Variants in IGFN1 observed in about 807,000 individuals in gnomAD.
IGFN1 encodes the protein immunoglobulin like and fibronectin type III domain containing 1.
In IGFN1, 253 loss-of-function variants were observed where a neutral mutation model predicts 289.5. The observed-to-expected ratio is 0.87, with a 90% CI of 0.79 to 0.97. IGFN1 has a LOEUF of 0.97. Among genes scored for constraint, IGFN1 ranks in the 50% least tolerant of loss-of-function variants. The pLI is 0.00. For synonymous variants in IGFN1, 1,706 were observed against 1,788.5 expected, an observed-to-expected ratio of 0.95 and a Z score of 1.16; for missense variants, 4,470 against 4,686.1, an observed-to-expected ratio of 0.95 and a Z score of 1.35.
In IGFN1 at chr1:201,216,468, C is replaced by A; in HGVS notation, c.9310C>A (p.Pro3104Thr). The A allele has an allele frequency of 6.3e-7, 1 of 1,575,222 alleles. No homozygotes were observed. Among genetic ancestry groups the A allele is most frequent in the Non-Finnish European group, 8.6e-7 (1 of 1,161,690 alleles). Residue 3104 changes from proline to threonine, a missense_variant, in exon 16 of 24, where the codon CCA (proline) becomes ACA (threonine). Coordinates refer to ENST00000335211, the MANE Select transcript of IGFN1 (RefSeq NM_001164586.2). ...TGGGTCCCCAGACAAGCCTGATCCCCCACAAGGCCCCATGGAGGTTCAGGA... is the reference window on the plus strand; with the variant it reads ...TGGGTCCCCAGACAAGCCTGATCCCACACAAGGCCCCATGGAGGTTCAGGA... ...TLQVIDKPDPPQGPMEVQDCH... is the reference protein window; with the variant it reads ...TLQVIDKPDPTQGPMEVQDCH...
chr1:201,207,613 A>T lies in IGFN1; in HGVS notation c.2720A>T (p.Asp907Val). ...GAQGSGGTLG[D>V]KKGLRGPGSI... ...CAGGGATCTGGGGGGACACTAGGAG[A>T]TAAGAAAGGATTAAGAGGTCCTGGG... The change falls in exon 12 of 24, where the codon GAT (aspartate) becomes GTT (valine). Residue 907 changes from aspartate to valine, a missense_variant. By Grantham distance (152) the Asp-to-Val change is radical (BLOSUM62 -3). Transcript: ENST00000335211. 1 of 1,536,978 alleles carries T rather than the reference A, an allele frequency of 6.5e-7. No individual in the cohort carries two copies. The highest frequency in any genetic ancestry group is 8.7e-7 in the Non-Finnish European group (1 of 1,146,848).
chr1:201,212,973 A>G lies in IGFN1; in HGVS notation c.8080A>G (p.Ser2694Gly). The change falls in exon 12 of 24, where the codon AGC (serine) becomes GGC (glycine). Residue 2694 changes from serine to glycine, a missense_variant. Physicochemically the swap from Ser to Gly is moderately conservative, Grantham distance 56. Around this residue, in one of 8 missense-constraint regions of IGFN1, gnomAD observed 2,218 missense variants for 2,114.1 expected, o/e 1.05. Transcript: ENST00000335211. ...GGCRSPWSLDSKGSSPGRGSS... is the reference protein window; with the variant it reads ...GGCRSPWSLDGKGSSPGRGSS... ...ATGCCGAAGCCCATGGTCCCTGGAT[A>G]GCAAAGGTTCAAGTCCTGGAAGGGG... is the stretch of plus-strand genomic sequence containing the variant. 1 of 1,551,538 alleles carries G rather than the reference A, an allele frequency of 6.4e-7. No homozygotes were observed. Among genetic ancestry groups the G allele is most frequent in the Non-Finnish European group, 8.7e-7 (1 of 1,146,968 alleles).
chr1:201,213,430 T>C lies in IGFN1; in HGVS notation c.8537T>C (p.Met2846Thr). Residue 2846 changes from methionine to threonine, a missense_variant, in exon 12 of 24, where the codon ATG (methionine) becomes ACG (threonine). Met to Thr is a moderately conservative substitution (Grantham distance 81). This residue lies in a region of IGFN1 where 2,218 missense variants were observed against 2,114.1 expected (regional missense o/e 1.05). Transcript: ENST00000335211. The stretch of plus-strand genomic sequence containing the variant: ...GCTGGAAGCATGGGGTGGCAGCCTA[T>C]GGGAGAGAACTGGGGGTGCCTGGAG... ...DEAGSMGWQP[M>T]GENWGCLEEM... 1 of 1,613,860 alleles carries C rather than the reference T, an allele frequency of 6.2e-7. No individual in the cohort carries two copies. Among genetic ancestry groups the C allele is most frequent in the Non-Finnish European group, 8.5e-7 (1 of 1,179,898 alleles).
At position 201,208,720 on chromosome 1, in the gene IGFN1, G is replaced by C; in HGVS notation, c.3827G>C (p.Ser1276Thr). ...CCAGGTTGTAGGAAGGGTATTGGGA[G>C]TTCTGGGGAAATGGGGTCAGTGGAT... ...DGPGCRKGIG[S>T]SGEMGSVDKE... Residue 1276 changes from serine (S) to threonine (T), a missense_variant, in exon 12 of 24, where the codon AGT becomes ACT. Transcript: ENST00000335211. 1.3e-6 allele frequency: 2 copies of C among 1,537,130 alleles called. No homozygotes were observed. The highest frequency in any genetic ancestry group is 2.4e-5 in the East Asian group (1 of 40,918).
At position 201,211,724 on chromosome 1, in the gene IGFN1, A is replaced by C. The variant is rs1667815979; in HGVS notation, c.6831A>C (p.Lys2277Asn). The C allele has an allele frequency of 1.3e-6, 2 of 1,537,020 alleles. No individual in the cohort carries two copies. The highest frequency in any genetic ancestry group is 1.7e-6 in the Non-Finnish European group (2 of 1,146,822). ...DYRNGLGSSG[K>N]ISSGDEAGYK... is the part of the protein sequence containing the mutation. ...GGAATGGTTTAGGCAGTTCTGGAAA[A>C]ATCAGTTCAGGGGATGAGGCAGGTT... is the stretch of plus-strand genomic sequence containing the variant. The change falls in exon 12 of 24, where the codon AAA becomes AAC. Residue 2277 changes from lysine (K) to asparagine (N), a missense_variant. Around this residue, in one of 8 missense-constraint regions of IGFN1, gnomAD observed 2,218 missense variants for 2,114.1 expected, o/e 1.05. Transcript: ENST00000335211.
chr1:201,211,782 C>T lies in IGFN1; in HGVS notation c.6889C>T (p.Pro2297Ser). The T allele has an allele frequency of 1.3e-6, 2 of 1,536,602 alleles. No individual in the cohort carries two copies. The highest frequency in any genetic ancestry group is 2.4e-5 in the East Asian group (1 of 40,896). Residue 2297 changes from proline (P) to serine (S), a missense_variant, in exon 12 of 24, where the codon CCA (proline) becomes TCA (serine). Transcript: ENST00000335211. ...TGTTTTAGGGGGTTCTGGGAGGAATCCATTAGGGAGCGAGGCAGGTTCTAG... is the reference window on the plus strand; with the variant it reads ...TGTTTTAGGGGGTTCTGGGAGGAATTCATTAGGGAGCGAGGCAGGTTCTAG... ...KNVLGGSGRN[P>S]LGSEAGSRGS... is the part of the protein sequence containing the mutation.
Position 201,213,186 on chromosome 1 carries a change from G to A in IGFN1, c.8293G>A (p.Gly2765Ser), listed in dbSNP as rs930289158. 3.9e-6 allele frequency: 6 copies of A among 1,551,540 alleles called. No homozygotes were observed. The African/African-American group carries it at 8.2e-5, about 21-fold the overall frequency. The change falls in exon 12 of 24, where the codon GGC becomes AGC. Residue 2765 changes from glycine (G) to serine (S), a missense_variant. Physicochemically the swap from Gly to Ser is moderately conservative, Grantham distance 56 (BLOSUM62 0). Transcript: ENST00000335211. The part of the protein sequence containing the change: ...GGTQDLSSQR[G>S]KGQRGGKRSL... ...GACCCAGGACCTGAGCTCTCAGCGA[G>A]GCAAGGGACAGAGAGGAGGAAAGAG... is the stretch of plus-strand genomic sequence containing the variant.
In IGFN1 at chr1:201,203,861, A is replaced by G. The variant is rs1667273547; in HGVS notation, c.871A>G (p.Lys291Glu). The stretch of plus-strand genomic sequence containing the variant: ...TGAGGACTCTGGCATTTACCAGGTC[A>G]AGGTGGAGGATGCTGTGGTCTTCTC... The part of the protein sequence containing the change: ...RPEDSGIYQV[K>E]VEDAVVFSTE... The change falls in exon 10 of 24, where the codon AAG becomes GAG. Residue 291 changes from lysine to glutamate, a missense_variant. Physicochemically the swap from Lys to Glu is moderately conservative, Grantham distance 56. Transcript: ENST00000335211. 1 of 1,551,734 alleles carries G rather than the reference A, an allele frequency of 6.4e-7. No individual in the cohort carries two copies. Among genetic ancestry groups the G allele is most frequent in the Non-Finnish European group, 8.7e-7 (1 of 1,146,978 alleles).
intron 8 of IGFN1, among the ~76,000 whole-genome samples, chr1:201,200,990 C>T (rs1667127435): frequency 1.3e-5 from 2 of 152,040 alleles, no homozygotes; most frequent in Non-Finnish European, 2.9e-5. Flanking sequence ...TGCCACCACA[C>T]CCAGCTAACT....
Position 201,205,069 on chromosome 1 carries a change from A to G in IGFN1, c.917-13A>G. 1.3e-6 allele frequency: 2 copies of G among 1,532,408 alleles called. No homozygotes were observed. The highest frequency in any genetic ancestry group is 8.8e-7 in the Non-Finnish European group (1 of 1,134,268). The allele number at this position is 1,532,408 out of a possible 1,614,324, so 94.9% of individuals were successfully genotyped here. The stretch of plus-strand genomic sequence containing the variant: ...CCATCAAGCTGATATCCCCATTCCT[A>G]TTTCCCCGGCAGCCATCCCCCCAAG... On this transcript the variant is annotated splice_polypyrimidine_tract_variant and intron_variant, in intron 10 of 23. Coordinates refer to ENST00000335211, the MANE Select transcript of IGFN1 (RefSeq NM_001164586.2).
At position 201,206,638 on chromosome 1, in the gene IGFN1, G is replaced by A; in HGVS notation, c.1745G>A (p.Gly582Glu). 1 of 1,539,748 alleles carries A rather than the reference G, an allele frequency of 6.5e-7. No individual in the cohort carries two copies. The highest frequency in any genetic ancestry group is 8.7e-7 in the Non-Finnish European group (1 of 1,146,918). Reference sequence around the variant, plus strand: ...AGCAGGGAAGGAAAGGAGCACAGAGGGGACAGTGGAAGACAACTGGACAGG... The same window carrying A: ...AGCAGGGAAGGAAAGGAGCACAGAGAGGACAGTGGAAGACAACTGGACAGG... ...GSSREGKEHR[G>E]DSGRQLDRHA... The change falls in exon 12 of 24, where the codon GGG becomes GAG. Residue 582 changes from glycine to glutamate, a missense_variant. This residue lies in a region of IGFN1 where 2,011 missense variants were observed against 1,953.4 expected (regional missense o/e 1.03). Coordinates refer to ENST00000335211, the MANE Select transcript of IGFN1 (RefSeq NM_001164586.2).
Position 201,211,071 on chromosome 1 carries a change from G to C in IGFN1, c.6178G>C (p.Val2060Leu), listed in dbSNP as rs1163993806. 6.7e-7 allele frequency: 1 copy of C among 1,502,244 alleles called. No individual in the cohort carries two copies. Among genetic ancestry groups the C allele is most frequent in the African/African-American group, 1.4e-5 (1 of 70,402 alleles). 93.1% of individuals were successfully genotyped at this position (1,502,244 alleles called of 1,614,324 possible). A position where few individuals can be genotyped will look rare whatever the true frequency, so the allele number is the denominator to read the frequency against. ...TTTTAGGGATGGTTTAGGGAGTTCT[G>C]TAGAAATGGGGTCAGTGAATGAGGC... ...AGFRDGLGSS[V>L]EMGSVNEAGY... Residue 2060 changes from valine (V) to leucine (L), a missense_variant, in exon 12 of 24, where the codon GTA becomes CTA. This residue lies in a region of IGFN1 where 20 missense variants were observed against 29.1 expected (regional missense o/e 0.69). Coordinates refer to ENST00000335211, the MANE Select transcript of IGFN1 (RefSeq NM_001164586.2).
Position 201,200,181 on chromosome 1 carries a change from G to A in IGFN1, c.459-56G>A, listed in dbSNP as rs1309441822. ...CTACTTGGGACACCAGAGCCAGGTG[G>A]CCAACAGAGGAGCAGGGATTCCTCT... On this transcript the variant is annotated intron_variant, in intron 7 of 23. Coordinates refer to ENST00000335211, the MANE Select transcript of IGFN1 (RefSeq NM_001164586.2). The A allele has an allele frequency of 2.8e-6, 4 of 1,443,744 alleles. No homozygotes were observed. In the African/African-American group the frequency reaches 4.3e-5, roughly 15 times the overall value. 89.4% of individuals were successfully genotyped at this position (1,443,744 alleles called of 1,614,324 possible).
Position 201,212,759 on chromosome 1 carries a change from C to A in IGFN1, c.7866C>A (p.Ser2622Arg). ...TSGPADRQGT[S>R]NAWAPDWENQ... ...GGCCTGCTGATAGACAAGGGACGAG[C>A]AATGCTTGGGCTCCTGATTGGGAAA... Residue 2622 changes from serine to arginine, a missense_variant, in exon 12 of 24, where the codon AGC (serine) becomes AGA (arginine). Coordinates refer to ENST00000335211, the MANE Select transcript of IGFN1 (RefSeq NM_001164586.2). 6.4e-7 allele frequency: 1 copy of A among 1,551,512 alleles called. No individual in the cohort carries two copies. The highest frequency in any genetic ancestry group is 8.7e-7 in the Non-Finnish European group (1 of 1,146,916).
At position 201,206,243 on chromosome 1, in the gene IGFN1, G is replaced by A. The variant is rs1198848135; in HGVS notation, c.1350G>A (p.Pro450=). The change falls in exon 12 of 24, where the codon CCG becomes CCA. Residue 450 remains proline (P), a synonymous_variant. Transcript: ENST00000335211. ...PRGGSLEGAG[P]ASGLQHIASP... ...GGGGCTCCCTTGAAGGGGCTGGGCC[G>A]GCTTCTGGGCTCCAGCACATAGCCA... 27 of 1,546,884 alleles carry A rather than the reference G, an allele frequency of 1.7e-5. 1 individual carries two copies. Among genetic ancestry groups the A allele is most frequent in the Admixed American group, 5.9e-5 (3 of 50,440 alleles).
chr1:201,221,294 G>A, intron 18 of IGFN1, 150 bp from the exon 19 acceptor site: 1 of 628,470 alleles, frequency 1.6e-6, no homozygotes, highest in Non-Finnish European at 2.7e-6. Context: ...TAAGAATTTG[G>A]AACAAGGTAG....
At chr1:201,224,150 G>C (rs970453758) in intron 20 of IGFN1, among the ~76,000 whole-genome samples, 1 of 152,180 alleles carries the variant, frequency 6.6e-6, no homozygotes, top group African/African-American at 2.4e-5. Context: ...AGCTGGGCTG[G>C]CCTTCCCACC....
Position 201,214,740 on chromosome 1 carries a change from G to C in IGFN1, c.8854-273G>C, listed in dbSNP as rs577990459. Among the ~76,000 whole-genome samples the C allele has an allele frequency of 7.0e-4, 106 of 152,320 alleles. 1 individual carries two copies. Among genetic ancestry groups the C allele is most frequent in the Non-Finnish European group, 4.4e-4 (30 of 68,034 alleles). ...CAGCTAAGTCTGGCTTCAGATCCCAGCTCTGCCACTACCAGTTATAAGACT... is the reference window on the plus strand; with the variant it reads ...CAGCTAAGTCTGGCTTCAGATCCCACCTCTGCCACTACCAGTTATAAGACT... On this transcript the variant is annotated intron_variant, in intron 13 of 23. Coordinates refer to ENST00000335211, the MANE Select transcript of IGFN1 (RefSeq NM_001164586.2).
chr1:201,228,421 T>C lies in IGFN1; in HGVS notation c.*22T>C, dbSNP rs1356852649. ...CTAGCCTCACCTCACCCTGGGATGG[T>C]CCTGGACCCTTGAAGCTTCACTTCC... is the stretch of plus-strand genomic sequence containing the variant. On this transcript the variant is annotated 3_prime_UTR_variant, in exon 24 of 24. Coordinates refer to ENST00000335211, the MANE Select transcript of IGFN1 (RefSeq NM_001164586.2). 2.5e-6 allele frequency: 4 copies of C among 1,613,186 alleles called. No homozygotes were observed. Among genetic ancestry groups the C allele is most frequent in the Non-Finnish European group, 1.7e-6 (2 of 1,179,292 alleles).
Sources: allele counts gnomAD v4.1 joint callset (sites outside exome capture counted in the v4.1 genomes callset), GRCh38; gene constraint gnomAD v4.1.1; regional missense constraint gnomAD v4.1.1; transcripts MANE v1.5; gene names NCBI Gene and HGNC (gene_info 2026-07-23, HGNC 2026-07-21).